MAN2A1: variants seen among roughly 807,000 people sequenced by gnomAD.
The protein encoded by MAN2A1 is mannosidase alpha class 2A member 1, also known as alpha-mannosidase 2.
MAN2A1 carries 76 observed loss-of-function variants against 142.6 expected under a neutral mutation model. That is an observed-to-expected ratio of 0.53 (90% CI 0.44 to 0.65). The LOEUF (loss-of-function observed/expected upper bound fraction) is 0.65, where lower values mean the gene tolerates loss of function less well. Ranked by LOEUF, MAN2A1 falls within the 30% of genes least tolerant of loss-of-function variation. MAN2A1 has a pLI of 0.00. For synonymous variants in MAN2A1, 559 were observed against 473.2 expected, an observed-to-expected ratio of 1.18 and a Z score of -2.35; for missense variants, 1,311 against 1,365.1, an observed-to-expected ratio of 0.96 and a Z score of 0.62.
chr5:109,788,133 G>A (rs1753641872), intron 10 of MAN2A1, among the ~76,000 whole-genome samples: 1 of 151,252 alleles, frequency 6.6e-6, no homozygotes, highest in Non-Finnish European at 1.5e-5. Context: ...AACGTGATTA[G>A]CGAGGAGTTT....
At chr5:109,697,700 T>C (rs1432176724) in intron 1 of MAN2A1, among the ~76,000 whole-genome samples, 2 of 152,248 alleles carry the variant, frequency 1.3e-5, no homozygotes, top group East Asian at 3.8e-4. Context: ...CTAAAATATT[T>C]ACTCTCTGGC....
chr5:109,799,008 A>G (rs567774124), intron 12 of MAN2A1, among the ~76,000 whole-genome samples: 1 of 151,950 alleles, frequency 6.6e-6, no homozygotes. Context: ...TGTTTTTTAA[A>G]TGTGTCTCAA....
intron 13 of MAN2A1, among the ~76,000 whole-genome samples, chr5:109,817,795 G>A (rs867418678): frequency 9.9e-5 from 15 of 152,192 alleles, no homozygotes; most frequent in African/African-American, 3.6e-4. Flanking sequence ...TGATAATTAT[G>A]CATATCGAAA....
intron 5 of MAN2A1, among the ~76,000 whole-genome samples, chr5:109,762,511 A>G (rs969419266): frequency 1.3e-5 from 2 of 152,074 alleles, no homozygotes; most frequent in African/African-American, 2.4e-5. Context: ...GAGCATACCC[A>G]TCCATCTCAC....
At chr5:109,837,683 C>T (rs1387999227) in intron 16 of MAN2A1, among the ~76,000 whole-genome samples, 2 of 152,174 alleles carry the variant, frequency 1.3e-5, no homozygotes, top group Non-Finnish European at 1.5e-5. Flanking sequence ...ACCCTTCACT[C>T]AGCATACGTT....
intron 1 of MAN2A1, among the ~76,000 whole-genome samples, chr5:109,697,845 A>G (rs577680216): frequency 6.6e-6 from 1 of 152,370 alleles, no homozygotes; most frequent in African/African-American, 2.4e-5. Context: ...TAAATTGGTT[A>G]TTAGATAAGC....
At chr5:109,791,749 C>T (rs755409713) in intron 12 of MAN2A1, among the ~76,000 whole-genome samples, 7 of 151,758 alleles carry the variant, frequency 4.6e-5, no homozygotes, top group Non-Finnish European at 1.0e-4. Context: ...TTGTGTGTGG[C>T]ATTAAAATTG....
intron 1 of MAN2A1, among the ~76,000 whole-genome samples, chr5:109,704,441 G>T (rs888822113): frequency 6.6e-6 from 1 of 152,168 alleles, no homozygotes; most frequent in Non-Finnish European, 1.5e-5. Flanking sequence ...ATTCAGGCAT[G>T]TTAGGCTCTG....
chr5:109,709,449 G>A (rs1352536352), intron 1 of MAN2A1, among the ~76,000 whole-genome samples: 3 of 152,284 alleles, frequency 2.0e-5, no homozygotes, highest in Admixed American at 1.3e-4. Flanking sequence ...CTTTGAAGCA[G>A]GGAGAAGGAA....
At chr5:109,819,357 C>G (rs1009407528) in intron 13 of MAN2A1, among the ~76,000 whole-genome samples, 5 of 152,144 alleles carry the variant, frequency 3.3e-5, no homozygotes, top group Admixed American at 1.3e-4. Flanking sequence ...TTGCATATAA[C>G]CTGCACACAT....
chr5:109,723,860 C>A (rs1329645356), intron 3 of MAN2A1, among the ~76,000 whole-genome samples: 3 of 152,150 alleles, frequency 2.0e-5, no homozygotes, highest in East Asian at 1.9e-4. Flanking sequence ...ATCTAAGAAT[C>A]TTTCTTCTTT....
At chr5:109,839,649 CTTTTTTT>C (rs34820879) in intron 16 of MAN2A1, among the ~76,000 whole-genome samples, 3 of 109,846 alleles carry the variant, frequency 2.7e-5, no homozygotes, top group Non-Finnish European at 5.7e-5. Context: ...CTGTCTCTCT[CTTTTTTT>C]TTTTTTTTTT....
intron 1 of MAN2A1, among the ~76,000 whole-genome samples, chr5:109,700,896 A>G (rs1750961477): frequency 6.6e-6 from 1 of 152,238 alleles, no homozygotes; most frequent in African/African-American, 2.4e-5. Flanking sequence ...TGTGGTAGAC[A>G]TATGTTACTT....
intron 8 of MAN2A1, 108 bp from the exon 9 acceptor site, chr5:109,781,288 A>G: frequency 1.6e-6 from 1 of 625,846 alleles, no homozygotes; most frequent in Non-Finnish European, 2.6e-6. Context: ...TATTCATCTT[A>G]ACTTGGAAAC....
intron 3 of MAN2A1, among the ~76,000 whole-genome samples, chr5:109,716,552 AT>A (rs1407122968): frequency 6.6e-6 from 1 of 152,192 alleles, no homozygotes; most frequent in African/African-American, 2.4e-5. Flanking sequence ...CTGCTTGTTC[AT>A]TTTAGTAACT....
intron 2 of MAN2A1, among the ~76,000 whole-genome samples, chr5:109,715,272 C>T (rs928982524): frequency 8.0e-6 from 1 of 124,512 alleles, no homozygotes; most frequent in Non-Finnish European, 1.8e-5. Flanking sequence ...TATTGACTTT[C>T]ATATAATTTG....
chr5:109,712,322 A>AT (rs2112560308), intron 1 of MAN2A1, among the ~76,000 whole-genome samples: 1 of 152,194 alleles, frequency 6.6e-6, no homozygotes, highest in East Asian at 1.9e-4. Flanking sequence ...CATACATACT[A>AT]TTTTTAAACT....
intron 4 of MAN2A1, among the ~76,000 whole-genome samples, chr5:109,739,908 T>C (rs953369204): frequency 6.6e-6 from 1 of 152,104 alleles, no homozygotes; most frequent in Admixed American, 6.6e-5. Flanking sequence ...TTTGAATCTT[T>C]AGAGAGCGAA....
intron 4 of MAN2A1, among the ~76,000 whole-genome samples, chr5:109,754,274 A>AT (rs568422782): frequency 0.019 from 2,842 of 149,888 alleles, 34 homozygotes; most frequent in Middle Eastern, 0.069. Flanking sequence ...ATAGTTAATG[A>AT]TTTTTTTTTT....
Sources: gnomAD v4.1 joint callset for allele counts (sites outside exome capture counted in the v4.1 genomes callset) on GRCh38, gnomAD v4.1.1 for gene constraint, MANE v1.5 for transcripts, NCBI Gene and HGNC (gene_info 2026-07-23, HGNC 2026-07-21) for gene names.